Variants in TENM3 observed in about 807,000 individuals in gnomAD.
TENM3 encodes teneurin-3.
Under a neutral mutation model 255.1 loss-of-function variants are expected in TENM3, and 63 were observed. That is an observed-to-expected ratio of 0.25 (90% CI 0.20 to 0.30). The LOEUF is 0.30. TENM3 is among the 10% of genes least tolerant of loss of function. TENM3 has a pLI of 1.00. For missense variants in TENM3, 2,929 were observed against 3,461.1 expected (o/e 0.85, Z 3.86); for synonymous variants, 1,306 against 1,322.3 (o/e 0.99, Z 0.27).
chr4:182,531,450 A>T (rs926129017), intron 3 of TENM3, among the ~76,000 whole-genome samples: 1 of 152,182 alleles, frequency 6.6e-6, no homozygotes, highest in African/African-American at 2.4e-5. Flanking sequence ...CACTTCCAGT[A>T]TTCACAATGA....
At chr4:182,720,565 C>A (rs1260311706) in intron 13 of TENM3, among the ~76,000 whole-genome samples, 1 of 152,048 alleles carries the variant, frequency 6.6e-6, no homozygotes, top group African/African-American at 2.4e-5. Context: ...TACTCTGAAC[C>A]CTTTGGCTAT....
At chr4:182,536,228 C>A (rs1300576412) in intron 3 of TENM3, among the ~76,000 whole-genome samples, 1 of 152,214 alleles carries the variant, frequency 6.6e-6, no homozygotes, top group Non-Finnish European at 1.5e-5. Context: ...GTTGGGGCAA[C>A]CAGTGTCAAC....
intron 2 of TENM3, among the ~76,000 whole-genome samples, chr4:182,340,963 T>G (rs148694692): frequency 1.1e-4 from 16 of 152,338 alleles, no homozygotes; most frequent in African/African-American, 3.8e-4. Context: ...TATTCAATTT[T>G]GGGGTTACTG....
At chr4:182,547,502 G>C (rs912023383) in intron 3 of TENM3, among the ~76,000 whole-genome samples, 20 of 151,972 alleles carry the variant, frequency 1.3e-4, no homozygotes, top group African/African-American at 4.8e-4. Context: ...TTTCATGTCA[G>C]CTTCTTCATC....
the TENM3 span, among the ~76,000 whole-genome samples, chr4:181,806,978 A>C: frequency 6.7e-6 from 1 of 150,340 alleles, no homozygotes; most frequent in Non-Finnish European, 1.5e-5. Flanking sequence ...CAGTGTAGAT[A>C]CTCCATCAAT....
At chr4:181,716,317 C>A in the TENM3 span, among the ~76,000 whole-genome samples, 1 of 152,012 alleles carries the variant, frequency 6.6e-6, no homozygotes, top group Non-Finnish European at 1.5e-5. Flanking sequence ...ATGCCGTTAA[C>A]CCAATATATC....
chr4:181,571,328 T>C, the TENM3 span, among the ~76,000 whole-genome samples: 1 of 152,148 alleles, frequency 6.6e-6, no homozygotes, highest in South Asian at 2.1e-4. Flanking sequence ...GTTTTAATTA[T>C]TTTATTTTAT....
chr4:182,013,771 G>A, the TENM3 span, among the ~76,000 whole-genome samples: 1 of 151,830 alleles, frequency 6.6e-6, no homozygotes, highest in East Asian at 1.9e-4. Context: ...TCATTTGAAT[G>A]AAGGACATAA....
chr4:182,642,313 A>G (rs1354612785), intron 5 of TENM3, among the ~76,000 whole-genome samples: 1 of 152,246 alleles, frequency 6.6e-6, no homozygotes, highest in African/African-American at 2.4e-5. Context: ...TCTCTGTGAC[A>G]GAAGCAACAG....
the TENM3 span, among the ~76,000 whole-genome samples, chr4:182,130,630 CAACAT>C: frequency 6.6e-6 from 1 of 151,120 alleles, no homozygotes; most frequent in Non-Finnish European, 1.5e-5. Flanking sequence ...TGGAATGGCT[CAACAT>C]AACATATTAC....
intron 3 of TENM3, among the ~76,000 whole-genome samples, chr4:182,434,104 A>T (rs1335516108): frequency 6.9e-6 from 1 of 145,242 alleles, no homozygotes; most frequent in Non-Finnish European, 1.5e-5. Flanking sequence ...ACAGAACAAG[A>T]GGCTGCCTCC....
At position 182,162,333 on chromosome 4, in the gene TENM3, G is replaced by A. The variant is rs527887604; in HGVS notation, c.-76+17579G>A. Among the ~76,000 whole-genome samples the A allele has an allele frequency of 9.9e-5, 15 of 152,208 alleles. No homozygotes were observed. In the South Asian group the frequency reaches 3.1e-3, roughly 32 times the overall value. On this transcript the variant is annotated intron_variant, in intron 1 of 2. Transcript: ENST00000512480. Reference sequence around the variant, plus strand: ...CTATTTTGAGCCCAACATTGGCTTAGGCTCTGTGAAGAAAGGGGTACAAAA... The same window carrying A: ...CTATTTTGAGCCCAACATTGGCTTAAGCTCTGTGAAGAAAGGGGTACAAAA...
At position 182,773,624 on chromosome 4, in the gene TENM3, ATT is replaced by A. The variant is rs1764447123; in HGVS notation, c.5046_5047del (p.Ser1683PhefsTer18). 1 of 1,612,638 alleles carries A rather than the reference ATT, an allele frequency of 6.2e-7. No homozygotes were observed. Among genetic ancestry groups the A allele is most frequent in the Non-Finnish European group, 8.5e-7 (1 of 1,179,342 alleles). ...ATCACTTCAAATCTGTCCTCGATCG[ATT>A]CTTTCTACACCATGGTTCAAGGTAA... On this transcript the variant is annotated frameshift_variant, in exon 23 of 28. Transcript: ENST00000511685. LOFTEE classifies it high-confidence loss of function.
intron 3 of TENM3, among the ~76,000 whole-genome samples, chr4:182,371,408 C>T: frequency 6.6e-6 from 1 of 151,992 alleles, no homozygotes; most frequent in East Asian, 1.9e-4. Context: ...TGGTGTCTGC[C>T]CTCAAATATG....
At chr4:182,340,523 C>T (rs967527841) in intron 2 of TENM3, among the ~76,000 whole-genome samples, 1 of 152,014 alleles carries the variant, frequency 6.6e-6, no homozygotes, top group Non-Finnish European at 1.5e-5. Context: ...TTTTGTAGGG[C>T]CTTATGAATA....
intron 3 of TENM3, among the ~76,000 whole-genome samples, chr4:182,359,054 C>T (rs1437671212): frequency 4.0e-5 from 6 of 151,262 alleles, no homozygotes; most frequent in Admixed American, 1.3e-4. Flanking sequence ...CAGCCTTGCA[C>T]CCCAGGGATG....
At chr4:181,497,978 A>C in the TENM3 span, among the ~76,000 whole-genome samples, 1 of 152,310 alleles carries the variant, frequency 6.6e-6, no homozygotes, top group Admixed American at 6.5e-5. Flanking sequence ...CTACTGCAGT[A>C]CAAGAATTCA....
the TENM3 span, among the ~76,000 whole-genome samples, chr4:181,710,578 G>T: frequency 6.6e-6 from 1 of 151,986 alleles, no homozygotes; most frequent in Non-Finnish European, 1.5e-5. Context: ...TAGCGGGCAT[G>T]GTGGCAGGTG....
intron 12 of TENM3, among the ~76,000 whole-genome samples, chr4:182,709,791 T>A (rs1758615278): frequency 6.6e-6 from 1 of 152,216 alleles, no homozygotes; most frequent in East Asian, 1.9e-4. Flanking sequence ...AAAATGCAAA[T>A]GAAGAATCGT....
Sources: gnomAD v4.1 joint callset for allele counts (sites outside exome capture counted in the v4.1 genomes callset) on GRCh38, gnomAD v4.1.1 for gene constraint, MANE v1.5 for transcripts, NCBI Gene and HGNC (gene_info 2026-07-23, HGNC 2026-07-21) for gene names.